The following MACROD1 variants were observed in gnomAD, a reference collection of about 807,000 sequenced individuals.
MACROD1 encodes the protein mono-ADP ribosylhydrolase 1.
A neutral mutation model predicts 41.4 loss-of-function variants in MACROD1; 31 were observed. That is an observed-to-expected ratio of 0.75 (90% CI 0.56 to 1.01). The LOEUF is 1.01. Among genes scored for constraint, MACROD1 ranks in the 50% least tolerant of loss-of-function variants. The pLI is 0.00. For missense variants in MACROD1, 473 were observed against 460.0 expected, an observed-to-expected ratio of 1.03 and a Z score of -0.26; for synonymous variants, 252 against 203.4, an observed-to-expected ratio of 1.24 and a Z score of -2.03.
intron 4 of MACROD1, among the ~76,000 whole-genome samples, chr11:64,013,283 G>C (rs900487193): frequency 6.6e-6 from 1 of 152,208 alleles, no homozygotes; most frequent in African/African-American, 2.4e-5. Flanking sequence ...GGCCGGGGGA[G>C]TGCCAGCATG....
chr11:64,135,901 C>G (rs1028909520), intron 3 of MACROD1, among the ~76,000 whole-genome samples: 1 of 152,234 alleles, frequency 6.6e-6, no homozygotes, highest in African/African-American at 2.4e-5. Context: ...CCCCTTCCCC[C>G]ACTAAGCTCC....
intron 3 of MACROD1, among the ~76,000 whole-genome samples, chr11:64,124,817 A>G (rs541898018): frequency 6.6e-6 from 1 of 152,028 alleles, no homozygotes; most frequent in East Asian, 1.9e-4. Flanking sequence ...AGTAGCTGGG[A>G]TTACAGGCGT....
At chr11:64,018,442 G>C (rs1030136468) in intron 3 of MACROD1, among the ~76,000 whole-genome samples, 1 of 152,200 alleles carries the variant, frequency 6.6e-6, no homozygotes, top group Admixed American at 6.5e-5. Flanking sequence ...GCTGGGCCAG[G>C]CTGTGCAGGG....
chr11:64,070,101 C>A (rs1433329658), intron 3 of MACROD1, among the ~76,000 whole-genome samples: 2 of 152,158 alleles, frequency 1.3e-5, no homozygotes, highest in Non-Finnish European at 2.9e-5. Context: ...GAGATGGATG[C>A]TGTTATCACT....
chr11:64,027,273 G>T (rs554175035), intron 3 of MACROD1, among the ~76,000 whole-genome samples: 8 of 152,318 alleles, frequency 5.3e-5, no homozygotes, highest in African/African-American at 1.7e-4. Context: ...GTGTCATGGC[G>T]GGTGCTGGAG....
At chr11:64,011,324 G>A (rs1943013698) in intron 4 of MACROD1, among the ~76,000 whole-genome samples, 1 of 151,534 alleles carries the variant, frequency 6.6e-6, no homozygotes. Context: ...GGTGTTGGCT[G>A]GCATGTTGGT....
intron 3 of MACROD1, among the ~76,000 whole-genome samples, chr11:64,099,233 C>T (rs180732469): frequency 1.7e-3 from 263 of 152,374 alleles, no homozygotes; most frequent in African/African-American, 6.0e-3. Flanking sequence ...CCCCACTCCC[C>T]GAAGGCTGGG....
intron 3 of MACROD1, among the ~76,000 whole-genome samples, chr11:64,086,160 A>G (rs1203211647): frequency 6.6e-6 from 1 of 152,184 alleles, no homozygotes; most frequent in Non-Finnish European, 1.5e-5. Context: ...ATTCAGGGGA[A>G]GCCGGGACTC....
In MACROD1 at chr11:64,117,801, A is replaced by C; in HGVS notation, c.517+33438T>G. On this transcript the variant is annotated intron_variant, in intron 3 of 10. Transcript: ENST00000255681. ...CATCATCTGCATGGTCACCATGGAGACCAGCAATGCCTACGTAGCTGATGA... is the reference window on the plus strand; with the variant it reads ...CATCATCTGCATGGTCACCATGGAGCCCAGCAATGCCTACGTAGCTGATGA... 7 of 1,614,154 alleles carry C rather than the reference A, an allele frequency of 4.3e-6. No homozygotes were observed. The highest frequency in any genetic ancestry group is 5.9e-6 in the Non-Finnish European group (7 of 1,180,042).
At chr11:64,154,918 C>G (rs1243263228) in intron 1 of MACROD1, among the ~76,000 whole-genome samples, 1 of 152,140 alleles carries the variant, frequency 6.6e-6, no homozygotes, top group Non-Finnish European at 1.5e-5. Context: ...GGGGTTTCAC[C>G]ATGTTGGCCA....
At chr11:64,058,206 G>T (rs949890063) in intron 3 of MACROD1, among the ~76,000 whole-genome samples, 1 of 152,270 alleles carries the variant, frequency 6.6e-6, no homozygotes, top group African/African-American at 2.4e-5. Flanking sequence ...TCTTTCTGGG[G>T]CTGGTAGAGA....
chr11:64,124,121 G>A (rs1371797816), intron 3 of MACROD1, among the ~76,000 whole-genome samples: 1 of 152,226 alleles, frequency 6.6e-6, no homozygotes. Context: ...ACTTGTGCCA[G>A]CAGAGAGGCT....
At chr11:64,086,898 T>C (rs997495661) in intron 3 of MACROD1, 2 of 152,160 alleles carry the variant, frequency 1.3e-5, no homozygotes, top group African/African-American at 4.8e-5. Flanking sequence ...CCGCTAGCCC[T>C]TCCCTGTCCT....
chr11:64,112,528 GCAAAA>G (rs1437485328), intron 3 of MACROD1, among the ~76,000 whole-genome samples: 1 of 152,094 alleles, frequency 6.6e-6, no homozygotes, highest in African/African-American at 2.4e-5. Flanking sequence ...GCAAAACAAG[GCAAAA>G]CAAAACAAAA....
chr11:64,144,506 G>T (rs1945463415), intron 3 of MACROD1, among the ~76,000 whole-genome samples: 1 of 152,226 alleles, frequency 6.6e-6, no homozygotes, highest in Non-Finnish European at 1.5e-5. Flanking sequence ...CGAAAATGGG[G>T]TAACAATCCT....
At chr11:64,086,572 C>T (rs1485261965) in intron 3 of MACROD1, among the ~76,000 whole-genome samples, 1 of 152,278 alleles carries the variant, frequency 6.6e-6, no homozygotes, top group African/African-American at 2.4e-5. Flanking sequence ...TTCCTCCTGC[C>T]TCCGGGCCTT....
intron 3 of MACROD1, among the ~76,000 whole-genome samples, chr11:64,143,791 C>CACACACACACACACAT: frequency 6.8e-6 from 1 of 146,256 alleles, no homozygotes; most frequent in African/African-American, 2.5e-5. Flanking sequence ...CACACACACA[C>CACACACACACACACAT]ACACACACAC....
chr11:64,075,855 G>T lies in MACROD1; in HGVS notation c.518-60574C>A, dbSNP rs766961894. ...GCCCAGCTAATTTTGTACTTTTTTA[G>T]TAGAGACGGGGTTTCACCATGTTGG... On this transcript the variant is annotated intron_variant, in intron 3 of 10. Transcript: ENST00000255681. Among the ~76,000 whole-genome samples the T allele has an allele frequency of 3.1e-4, 47 of 152,198 alleles. 1 individual carries two copies. The highest frequency in any genetic ancestry group is 1.0e-3 in the Admixed American group (16 of 15,272).
intron 3 of MACROD1, among the ~76,000 whole-genome samples, chr11:64,063,670 G>A (rs1943944852): frequency 6.6e-6 from 1 of 152,142 alleles, no homozygotes; most frequent in Non-Finnish European, 1.5e-5. Context: ...GTGCTGGATG[G>A]GCAGAAGCCT....
Sources: allele counts gnomAD v4.1 joint callset (sites outside exome capture counted in the v4.1 genomes callset), GRCh38; gene constraint gnomAD v4.1.1; transcripts MANE v1.5; gene names NCBI Gene and HGNC (gene_info 2026-07-23, HGNC 2026-07-21).